Variants in FRMD4B observed in about 807,000 individuals in gnomAD.
The protein encoded by FRMD4B is FERM domain-containing protein 4B.
In FRMD4B, 74 loss-of-function variants were observed where a neutral mutation model predicts 141.5. The ratio of observed to expected loss-of-function variants is 0.52; its 90% CI spans 0.43 to 0.63. FRMD4B has a LOEUF of 0.63. Ranked by LOEUF, FRMD4B falls within the 30% of genes least tolerant of loss-of-function variation. The pLI is 0.00. For missense variants in FRMD4B, 1,366 were observed against 1,253.4 expected, an observed-to-expected ratio of 1.09 and a Z score of -1.36; for synonymous variants, 506 against 467.9, an observed-to-expected ratio of 1.08 and a Z score of -1.05.
At chr3:69,276,568 C>T (rs1184670953) in intron 5 of FRMD4B, among the ~76,000 whole-genome samples, 1 of 152,202 alleles carries the variant, frequency 6.6e-6, no homozygotes, top group Non-Finnish European at 1.5e-5. Flanking sequence ...GTGTACCCTT[C>T]ATTTTAATGG....
At chr3:69,191,386 C>G (rs926418034) in intron 17 of FRMD4B, among the ~76,000 whole-genome samples, 4 of 152,154 alleles carry the variant, frequency 2.6e-5, no homozygotes, top group African/African-American at 9.7e-5. Flanking sequence ...TGCCACTGCA[C>G]TCCAGGCTGG....
intron 7 of FRMD4B, among the ~76,000 whole-genome samples, chr3:69,230,353 G>C (rs1412706700): frequency 1.3e-5 from 2 of 152,198 alleles, no homozygotes; most frequent in African/African-American, 4.8e-5. Context: ...TCCATTACTA[G>C]TAAGAGTGTC....
At chr3:69,446,507 A>T (rs1407222559) in intron 1 of FRMD4B, among the ~76,000 whole-genome samples, 1 of 151,788 alleles carries the variant, frequency 6.6e-6, no homozygotes, top group Non-Finnish European at 1.5e-5. Flanking sequence ...TAATTTTCAC[A>T]TTTTTAGTAA....
intron 3 of FRMD4B, among the ~76,000 whole-genome samples, chr3:69,309,687 T>A (rs949917844): frequency 6.7e-6 from 1 of 149,828 alleles, no homozygotes; most frequent in Non-Finnish European, 1.5e-5. Context: ...ACTCAAGGGA[T>A]CTGCCCATCT....
chr3:69,515,736 T>C (rs1700746439), intron 1 of FRMD4B, among the ~76,000 whole-genome samples: 1 of 152,084 alleles, frequency 6.6e-6, no homozygotes, highest in Non-Finnish European at 1.5e-5. Context: ...ACCAGAAGGA[T>C]GATAGAGTTC....
chr3:69,215,822 A>G (rs1356246349), intron 11 of FRMD4B, among the ~76,000 whole-genome samples: 1 of 152,254 alleles, frequency 6.6e-6, no homozygotes, highest in Non-Finnish European at 1.5e-5. Context: ...TAAAATTTAT[A>G]AAATAAATGG....
intron 5 of FRMD4B, among the ~76,000 whole-genome samples, chr3:69,271,376 C>G (rs2093593573): frequency 6.6e-6 from 1 of 152,158 alleles, no homozygotes; most frequent in South Asian, 2.1e-4. Flanking sequence ...CCTTGTACAT[C>G]TTTGGGCCTC....
intron 4 of FRMD4B, among the ~76,000 whole-genome samples, chr3:69,288,351 A>G (rs966186082): frequency 6.6e-6 from 1 of 151,686 alleles, no homozygotes. Context: ...CTTTTCAATC[A>G]CTCCTTTCTT....
At chr3:69,351,300 G>A (rs1001650286) in intron 1 of FRMD4B, among the ~76,000 whole-genome samples, 1 of 152,066 alleles carries the variant, frequency 6.6e-6, no homozygotes, top group Admixed American at 6.5e-5. Flanking sequence ...GTCTTAATTG[G>A]AGCTTCACAG....
At chr3:69,419,481 C>T (rs1175433620) in intron 2 of FRMD4B, among the ~76,000 whole-genome samples, 3 of 151,624 alleles carry the variant, frequency 2.0e-5, no homozygotes, top group African/African-American at 4.8e-5. Flanking sequence ...GATTCTCTTT[C>T]CCAATAATTC....
intron 1 of FRMD4B, among the ~76,000 whole-genome samples, chr3:69,347,192 A>C (rs554400452): frequency 6.6e-6 from 1 of 152,328 alleles, no homozygotes; most frequent in African/African-American, 2.4e-5. Context: ...CTAGTCTCTG[A>C]TAAAACAGAC....
chr3:69,451,677 T>C (rs766652646), intron 1 of FRMD4B, among the ~76,000 whole-genome samples: 1 of 152,314 alleles, frequency 6.6e-6, no homozygotes, highest in Non-Finnish European at 1.5e-5. Context: ...CTTTCTTCTC[T>C]GGTGGGTAAG....
chr3:69,536,691 G>A (rs998764257), intron 1 of FRMD4B: 6 of 712,220 alleles, frequency 8.4e-6, no homozygotes, highest in Non-Finnish European at 1.5e-5. Flanking sequence ...CCCAGGAGGG[G>A]AGGCATCAGT....
At chr3:69,361,455 A>G (rs939401264) in intron 1 of FRMD4B, among the ~76,000 whole-genome samples, 1 of 152,188 alleles carries the variant, frequency 6.6e-6, no homozygotes, top group African/African-American at 2.4e-5. Flanking sequence ...CATGTTATCC[A>G]CATCCCCCCC....
intron 3 of FRMD4B, among the ~76,000 whole-genome samples, chr3:69,303,704 C>T (rs1408618075): frequency 6.6e-6 from 1 of 152,194 alleles, no homozygotes; most frequent in East Asian, 1.9e-4. Context: ...CCAAGGCAGG[C>T]AGATTGCTTG....
chr3:69,435,698 C>T (rs894138226), intron 1 of FRMD4B, among the ~76,000 whole-genome samples: 10 of 152,146 alleles, frequency 6.6e-5, no homozygotes, highest in African/African-American at 2.4e-4. Flanking sequence ...GGTTTCTTTA[C>T]AGTAGGGCTT....
chr3:69,395,153 T>C (rs1245957918), intron 2 of FRMD4B, among the ~76,000 whole-genome samples: 2 of 152,018 alleles, frequency 1.3e-5, no homozygotes, highest in Non-Finnish European at 2.9e-5. Flanking sequence ...CTGCACGTTC[T>C]GCACATGTAT....
At chr3:69,526,920 A>C (rs1041089831) in intron 1 of FRMD4B, among the ~76,000 whole-genome samples, 1 of 152,130 alleles carries the variant, frequency 6.6e-6, no homozygotes, top group Non-Finnish European at 1.5e-5. Context: ...CGCCTCCCAT[A>C]TCCACTTCAG....
chr3:69,428,663 T>C (rs550086413), intron 2 of FRMD4B, among the ~76,000 whole-genome samples: 5 of 152,230 alleles, frequency 3.3e-5, no homozygotes, highest in Admixed American at 2.0e-4. Context: ...TTCCTCTTCT[T>C]AACATTAAAA....
Sources: gnomAD v4.1 joint callset for allele counts (sites outside exome capture counted in the v4.1 genomes callset) on GRCh38, gnomAD v4.1.1 for gene constraint, MANE v1.5 for transcripts, NCBI Gene and HGNC (gene_info 2026-07-23, HGNC 2026-07-21) for gene names.